Variants in SLC41A2 observed in about 807,000 individuals in gnomAD.
SLC41A2 encodes SLC41A1-like 1.
In SLC41A2, 32 loss-of-function variants were observed where a neutral mutation model predicts 58.3. The ratio of observed to expected loss-of-function variants is 0.55; its 90% confidence interval spans 0.41 to 0.74. SLC41A2 has a LOEUF of 0.74. SLC41A2 is among the 30% of genes least tolerant of loss of function. The pLI is 0.00. For missense variants in SLC41A2, 514 were observed against 680.6 expected (o/e 0.76, Z 2.72); for synonymous variants, 190 against 235.0 (o/e 0.81, Z 1.75).
chr12:104,847,370 G>A (rs935029337), intron 8 of SLC41A2, among the ~76,000 whole-genome samples: 4 of 151,988 alleles, frequency 2.6e-5, no homozygotes, highest in African/African-American at 7.2e-5. Flanking sequence ...TTGGGGGGCC[G>A]AGGTGGGTGG....
chr12:104,851,734 A>G (rs2042807687), intron 8 of SLC41A2: 1 of 152,098 alleles, frequency 6.6e-6, no homozygotes, highest in African/African-American at 2.4e-5. Context: ...TGTTTACTCA[A>G]TGAATTTTCT....
intron 4 of SLC41A2, among the ~76,000 whole-genome samples, chr12:104,894,591 T>G (rs1351423893): frequency 2.6e-5 from 4 of 152,216 alleles, no homozygotes; most frequent in Non-Finnish European, 5.9e-5. Flanking sequence ...TGAAATTCTG[T>G]TCCTGCAACC....
chr12:104,801,984 G>A lies in SLC41A2; in HGVS notation c.*3168C>T, dbSNP rs2136167143. Among the ~76,000 whole-genome samples, 1 of 151,674 alleles carries A rather than the reference G, an allele frequency of 6.6e-6. No individual in the cohort carries two copies. The highest frequency in any genetic ancestry group is 2.1e-4 in the South Asian group (1 of 4,812). On this transcript the variant is annotated 3_prime_UTR_variant, in exon 11 of 11. Transcript: ENST00000258538. ...TTATTTGAGTTTAAAACAATTCGAA[G>A]ATGGCAGAACCCCGTTATAAATGGG...
intron 1 of SLC41A2, among the ~76,000 whole-genome samples, chr12:104,948,909 T>C (rs1052208235): frequency 1.3e-5 from 2 of 152,196 alleles, no homozygotes; most frequent in African/African-American, 4.8e-5. Context: ...CTATCTTCTG[T>C]TACTCAATCA....
intron 1 of SLC41A2, among the ~76,000 whole-genome samples, chr12:104,940,934 CAAAA>C (rs386377636): frequency 1.0e-5 from 1 of 95,538 alleles, no homozygotes; most frequent in African/African-American, 4.1e-5. Flanking sequence ...GACTCTGCCT[CAAAA>C]AAAAAAAAAA....
At chr12:104,904,919 G>A (rs957297897) in intron 3 of SLC41A2, among the ~76,000 whole-genome samples, 2 of 152,118 alleles carry the variant, frequency 1.3e-5, no homozygotes, top group African/African-American at 4.8e-5. Context: ...CTTCCACACT[G>A]TGGAAGGGGA....
chr12:104,804,837 C>G lies in SLC41A2; in HGVS notation c.*315G>C, dbSNP rs115301383. ...ACAAATTTAATAATAAAGTACATTT[C>G]TGCTATGTTTGTGGTTTTAAAATTA... On this transcript the variant is annotated 3_prime_UTR_variant, in exon 11 of 11. Coordinates refer to ENST00000258538, the MANE Select transcript of SLC41A2 (RefSeq NM_001352171.3). The G allele has an allele frequency of 0.018, 3,159 of 175,358 alleles. 100 individuals carry two copies. Among genetic ancestry groups the G allele is most frequent in the African/African-American group, 0.07 (2,976 of 42,222 alleles). The allele number at this position is 175,358 out of a possible 1,614,324, so 10.9% of individuals were successfully genotyped here.
intron 2 of SLC41A2, among the ~76,000 whole-genome samples, chr12:104,912,417 C>T (rs1051882649): frequency 6.6e-6 from 1 of 152,034 alleles, no homozygotes; most frequent in Non-Finnish European, 1.5e-5. Context: ...AGTTGATCAC[C>T]GATGACCAGG....
intron 6 of SLC41A2, among the ~76,000 whole-genome samples, chr12:104,885,941 G>T (rs1718673907): frequency 6.6e-6 from 1 of 152,062 alleles, no homozygotes; most frequent in South Asian, 2.1e-4. Flanking sequence ...CCTAGCTGCT[G>T]TACACTTACA....
At chr12:104,859,337 T>G (rs1228389767) in intron 8 of SLC41A2, among the ~76,000 whole-genome samples, 4 of 152,208 alleles carry the variant, frequency 2.6e-5, no homozygotes, top group African/African-American at 4.8e-5. Context: ...AGGCTATTAG[T>G]GACACTTAAT....
At chr12:104,948,122 A>G (rs2047800771) in intron 1 of SLC41A2, among the ~76,000 whole-genome samples, 1 of 152,238 alleles carries the variant, frequency 6.6e-6, no homozygotes. Flanking sequence ...GATATAATGT[A>G]GCAGCTGAGC....
intron 6 of SLC41A2, among the ~76,000 whole-genome samples, chr12:104,880,108 T>C (rs1187824258): frequency 3.9e-5 from 6 of 152,198 alleles, no homozygotes; most frequent in Non-Finnish European, 8.8e-5. Context: ...ATGATTTGGC[T>C]CTCTGTTTGT....
chr12:104,904,630 T>C (rs1467815333), intron 3 of SLC41A2, among the ~76,000 whole-genome samples: 1 of 152,070 alleles, frequency 6.6e-6, no homozygotes, highest in Non-Finnish European at 1.5e-5. Flanking sequence ...GTCTGGAGTC[T>C]GTCCCTTCTG....
At chr12:104,855,930 A>G (rs1230375458) in intron 8 of SLC41A2, among the ~76,000 whole-genome samples, 3 of 152,236 alleles carry the variant, frequency 2.0e-5, no homozygotes, top group Admixed American at 1.3e-4. Flanking sequence ...GAAATATCCA[A>G]TTTAAAGTAT....
intron 1 of SLC41A2, among the ~76,000 whole-genome samples, chr12:104,943,620 C>T (rs1002610549): frequency 1.3e-5 from 2 of 152,194 alleles, no homozygotes; most frequent in African/African-American, 4.8e-5. Flanking sequence ...ATCTCAACTG[C>T]ACAACCCCTA....
At chr12:104,918,491 AG>A (rs1412811951) in intron 2 of SLC41A2, among the ~76,000 whole-genome samples, 3 of 152,188 alleles carry the variant, frequency 2.0e-5, no homozygotes, top group Non-Finnish European at 4.4e-5. Flanking sequence ...GTGTACCTAC[AG>A]TGAAAGAGCT....
chr12:104,880,272 T>C (rs1440001717), intron 6 of SLC41A2, among the ~76,000 whole-genome samples: 3 of 152,200 alleles, frequency 2.0e-5, no homozygotes, highest in Non-Finnish European at 2.9e-5. Context: ...CAGGGACAAT[T>C]TGACTTCCTC....
intron 3 of SLC41A2, among the ~76,000 whole-genome samples, chr12:104,905,108 T>C (rs1446542323): frequency 1.3e-5 from 2 of 151,968 alleles, no homozygotes; most frequent in Non-Finnish European, 2.9e-5. Flanking sequence ...ATTAGTTAGA[T>C]ACAGAGTTTC....
At chr12:104,830,119 T>C (rs2041990457) in intron 10 of SLC41A2, among the ~76,000 whole-genome samples, 1 of 152,238 alleles carries the variant, frequency 6.6e-6, no homozygotes, top group Admixed American at 6.5e-5. Flanking sequence ...TCAATCCTTT[T>C]ACTTATCTCC....
Sources: gnomAD v4.1 joint callset for allele counts (sites outside exome capture counted in the v4.1 genomes callset) on GRCh38, gnomAD v4.1.1 for gene constraint, MANE v1.5 for transcripts, NCBI Gene and HGNC (gene_info 2026-07-23, HGNC 2026-07-21) for gene names.